The following RUFY4 variants were observed in gnomAD, a reference collection of about 807,000 sequenced individuals.
RUFY4 encodes the protein RUN and FYVE domain containing 4, also known as RUN and FYVE domain-containing protein 4.
Under a neutral mutation model 69.0 loss-of-function variants are expected in RUFY4, and 73 were observed. That is an observed-to-expected ratio of 1.06 (90% confidence interval 0.88 to 1.29). The LOEUF (loss-of-function observed/expected upper bound fraction) is 1.29, where lower values mean the gene tolerates loss of function less well. Among genes scored for constraint, RUFY4 ranks in the 50% most tolerant of loss-of-function variants. The pLI, the probability that RUFY4 is intolerant of heterozygous loss-of-function variation, is 0.00. For synonymous variants in RUFY4, 287 were observed against 271.8 expected (o/e 1.06, Z -0.55); for missense variants, 770 against 705.6 (o/e 1.09, Z -1.03).
At chr2:218,038,543 C>T (rs1959013516) in intron 2 of RUFY4, among the ~76,000 whole-genome samples, 1 of 152,004 alleles carries the variant, frequency 6.6e-6, no homozygotes, top group Non-Finnish European at 1.5e-5. Flanking sequence ...GCAGACATGG[C>T]CAAAATGTGA....
intron 2 of RUFY4, among the ~76,000 whole-genome samples, chr2:218,041,550 A>G (rs1395713618): frequency 1.3e-5 from 2 of 152,102 alleles, no homozygotes; most frequent in African/African-American, 2.4e-5. Flanking sequence ...GAGGGAATGC[A>G]AGAGAGAGGC....
At chr2:218,067,615 G>A (rs1439308032), upstream of RUFY4, among the ~76,000 whole-genome samples, 1 of 152,198 alleles carries the variant, frequency 6.6e-6, no homozygotes, top group Admixed American at 6.5e-5. Flanking sequence ...AGTTAGAGGA[G>A]GGAGGGAGTC....
intron 3 of RUFY4, among the ~76,000 whole-genome samples, chr2:218,063,839 C>G (rs539681524): frequency 6.6e-6 from 1 of 152,216 alleles, no homozygotes; most frequent in Admixed American, 6.5e-5. Flanking sequence ...GCCCATAAGG[C>G]AAGGTTCCTA....
intron 2 of RUFY4, among the ~76,000 whole-genome samples, chr2:218,035,864 T>C (rs1958968930): frequency 6.6e-6 from 1 of 152,190 alleles, no homozygotes; most frequent in Non-Finnish European, 1.5e-5. Context: ...CACATTTCCA[T>C]TCAGCTGGGG....
chr2:218,086,517 C>A (rs1574519924), intron 9 of RUFY4, among the ~76,000 whole-genome samples: 2 of 152,276 alleles, frequency 1.3e-5, no homozygotes, highest in East Asian at 3.9e-4. Flanking sequence ...TGGTGCAATT[C>A]TTTTCAAGTT....
At chr2:218,064,136 G>A (rs1216552340) in intron 3 of RUFY4, among the ~76,000 whole-genome samples, 2 of 152,144 alleles carry the variant, frequency 1.3e-5, no homozygotes, top group Admixed American at 6.5e-5. Context: ...CCATCTCCCT[G>A]GGAAATTCTG....
At chr2:218,052,547 A>T (rs1439501884) in intron 2 of RUFY4, among the ~76,000 whole-genome samples, 1 of 152,126 alleles carries the variant, frequency 6.6e-6, no homozygotes, top group African/African-American at 2.4e-5. Context: ...ATACTGCAGG[A>T]GGCTTTTCTT....
exon 3 of RUFY4, chr2:218,072,450 G>A (rs550813084): frequency 2.9e-5 from 45 of 1,537,204 alleles, no homozygotes; most frequent in African/African-American, 1.9e-4. Context: ...GCCCTACGAC[G>A]GCAGCGGGGA....
intron 2 of RUFY4, among the ~76,000 whole-genome samples, chr2:218,037,394 C>A (rs962130041): frequency 1.3e-5 from 2 of 152,038 alleles, no homozygotes; most frequent in African/African-American, 2.4e-5. Flanking sequence ...TATAATTTTT[C>A]TTCCGAAACA....
At chr2:218,064,043 T>A (rs947747925) in intron 3 of RUFY4, among the ~76,000 whole-genome samples, 1 of 152,078 alleles carries the variant, frequency 6.6e-6, no homozygotes, top group Non-Finnish European at 1.5e-5. Flanking sequence ...ACAATAGTAT[T>A]TTCCATGAAC....
At chr2:218,065,159 G>A (rs774437104), upstream of RUFY4, among the ~76,000 whole-genome samples, 2 of 152,142 alleles carry the variant, frequency 1.3e-5, no homozygotes, top group African/African-American at 2.4e-5. Flanking sequence ...CCACACCCAA[G>A]CCATCTCCAC....
chr2:218,083,078 C>A, intron 8 of RUFY4, 32 bp from the exon 11 acceptor site: 1 of 1,559,458 alleles, frequency 6.4e-7, no homozygotes. Flanking sequence ...GAGCTTTGCC[C>A]CCTGAGAACC....
intron 4 of RUFY4, 98 bp downstream of exon 6, chr2:218,072,983 C>G: frequency 9.4e-7 from 1 of 1,069,174 alleles, no homozygotes; most frequent in Non-Finnish European, 1.3e-6. Flanking sequence ...GGCTTTCTAT[C>G]AAGGACAGTT....
intron 9 of RUFY4, among the ~76,000 whole-genome samples, chr2:218,087,186 GAATCCA>G (rs1689914519): frequency 6.6e-6 from 1 of 152,060 alleles, no homozygotes; most frequent in African/African-American, 2.4e-5. Context: ...GTATAGAATA[GAATCCA>G]ATAGAATGTT....
chr2:218,086,224 C>T (rs1472155231), intron 9 of RUFY4, among the ~76,000 whole-genome samples: 3 of 152,160 alleles, frequency 2.0e-5, no homozygotes, highest in Non-Finnish European at 4.4e-5. Flanking sequence ...TACAGATAAT[C>T]AGTCTCTGAG....
chr2:218,061,082 A>C (rs1689176665), intron 3 of RUFY4: 6 of 587,796 alleles, frequency 1.0e-5, no homozygotes, highest in South Asian at 1.5e-5. Flanking sequence ...TGTGCCAAAA[A>C]TCCAGCCATT....
chr2:218,070,689 T>C (rs1478728591), intron 1 of RUFY4, 38 bp downstream of exon 3: 8 of 1,536,542 alleles, frequency 5.2e-6, no homozygotes, highest in Admixed American at 3.9e-5. Flanking sequence ...GACTGAGTCA[T>C]GGGAGAAGTC....
chr2:218,062,950 C>T (rs1689236201), intron 3 of RUFY4, among the ~76,000 whole-genome samples: 2 of 152,132 alleles, frequency 1.3e-5, no homozygotes, highest in African/African-American at 4.8e-5. Flanking sequence ...TCCAGCCTTG[C>T]TGGGGACCCT....
chr2:218,045,848 A>G (rs556497896), intron 2 of RUFY4, among the ~76,000 whole-genome samples: 1 of 151,058 alleles, frequency 6.6e-6, no homozygotes, highest in Admixed American at 6.6e-5. Context: ...TCTGTTGCCC[A>G]GGCTGGAGTG....
Sources: allele counts gnomAD v4.1 joint callset (sites outside exome capture counted in the v4.1 genomes callset), GRCh38; gene constraint gnomAD v4.1.1; transcripts MANE v1.5; gene names NCBI Gene and HGNC (gene_info 2026-07-23, HGNC 2026-07-21).